AGBL4: variants seen among roughly 807,000 people sequenced by gnomAD.
AGBL4 encodes the protein cytosolic carboxypeptidase 6.
Under a neutral mutation model 66.4 loss-of-function variants are expected in AGBL4, and 58 were observed. That is an observed-to-expected ratio of 0.87 (90% CI 0.71 to 1.09). The LOEUF is 1.09. Ranked by LOEUF, AGBL4 falls within the 50% of genes least tolerant of loss-of-function variation. The probability of loss-of-function intolerance (pLI) is 0.00; values close to 1 mark genes in which losing one functional copy is unlikely to be tolerated. For synonymous variants in AGBL4, 234 were observed against 222.9 expected (o/e 1.05, Z -0.44); for missense variants, 579 against 631.0 (o/e 0.92, Z 0.88).
chr1:49,559,079 G>T (rs1248970113), intron 3 of AGBL4, among the ~76,000 whole-genome samples: 1 of 152,258 alleles, frequency 6.6e-6, no homozygotes, highest in South Asian at 2.1e-4. Context: ...GAGCCCCAGA[G>T]CCTTTATGAA....
intron 4 of AGBL4, among the ~76,000 whole-genome samples, chr1:49,136,618 T>G (rs1646015862): frequency 6.6e-6 from 1 of 152,114 alleles, no homozygotes; most frequent in Non-Finnish European, 1.5e-5. Context: ...GGCACCAAAT[T>G]ACAAATTCTT....
At chr1:49,128,231 T>C (rs1017836177) in intron 4 of AGBL4, among the ~76,000 whole-genome samples, 4 of 152,006 alleles carry the variant, frequency 2.6e-5, no homozygotes, top group African/African-American at 9.7e-5. Context: ...AAGTAGTCAG[T>C]ATATTAAATA....
rs1344357223 is a variant in AGBL4, at chr1:48,861,243, T to A, written c.634+5948A>T. Among the ~76,000 whole-genome samples, 7 of 152,092 alleles carry A rather than the reference T, an allele frequency of 4.6e-5. No individual in the cohort carries two copies. In the South Asian group the frequency reaches 1.5e-3, roughly 32 times the overall value. ...CAAAAATAATAAAAGTTATGAAAAA[T>A]CAATTAAGAACCATGGAGGGCTGCT... On this transcript the variant is annotated intron_variant, in intron 6 of 13. Transcript: ENST00000371839.
At chr1:49,431,125 T>C (rs1645776799) in intron 3 of AGBL4, among the ~76,000 whole-genome samples, 1 of 152,212 alleles carries the variant, frequency 6.6e-6, no homozygotes, top group African/African-American at 2.4e-5. Context: ...TTAATATACA[T>C]TTCTGTTGAG....
chr1:49,322,346 G>A, intron 3 of AGBL4, among the ~76,000 whole-genome samples: 1 of 152,108 alleles, frequency 6.6e-6, no homozygotes, highest in East Asian at 1.9e-4. Context: ...TGGACAGGAA[G>A]GTAACATAAT....
intron 9 of AGBL4, among the ~76,000 whole-genome samples, chr1:48,595,142 G>C (rs1485148197): frequency 6.6e-6 from 1 of 152,166 alleles, no homozygotes; most frequent in Non-Finnish European, 1.5e-5. Context: ...CCCTCAGGCT[G>C]AGTTAACAGC....
At chr1:49,276,028 G>T (rs1644160482) in intron 3 of AGBL4, among the ~76,000 whole-genome samples, 1 of 151,836 alleles carries the variant, frequency 6.6e-6, no homozygotes, top group South Asian at 2.1e-4. Context: ...CTGGTCTGTA[G>T]ACTACTCCAG....
rs181561468 is a variant in AGBL4 at position 49,897,468 on chromosome 1, G to C, written c.35-45950C>G. Among the ~76,000 whole-genome samples the C allele has an allele frequency of 4.6e-5, 7 of 151,816 alleles. No individual in the cohort carries two copies. The East Asian group carries it at 1.4e-3, about 29-fold the overall frequency. ...AAAAAATTGAAGAGGACACAAAAAA[G>C]TGGAAAAATATTACAAGTTCATGCA... is the stretch of plus-strand genomic sequence containing the variant. On this transcript the variant is annotated intron_variant, in intron 1 of 13. Coordinates refer to ENST00000371839, the MANE Select transcript of AGBL4 (RefSeq NM_032785.4).
chr1:49,050,706 C>T (rs907800950), intron 4 of AGBL4, among the ~76,000 whole-genome samples: 24 of 152,196 alleles, frequency 1.6e-4, no homozygotes, highest in African/African-American at 5.5e-4. Context: ...AGAAGTGAGG[C>T]CTAGCTCAAA....
chr1:49,457,115 G>A (rs1455642391), intron 3 of AGBL4, among the ~76,000 whole-genome samples: 1 of 151,706 alleles, frequency 6.6e-6, no homozygotes, highest in Non-Finnish European at 1.5e-5. Flanking sequence ...GGATCATATG[G>A]TAAACCTACT....
intron 1 of AGBL4, among the ~76,000 whole-genome samples, chr1:49,875,329 C>T (rs368638537): frequency 8.3e-6 from 1 of 120,204 alleles, no homozygotes; most frequent in Non-Finnish European, 1.7e-5. Context: ...ACCACAGTCC[C>T]CAGAGTGTGA....
At chr1:49,782,061 G>GAAA (rs1346802412) in intron 2 of AGBL4, among the ~76,000 whole-genome samples, 3 of 151,400 alleles carry the variant, frequency 2.0e-5, no homozygotes, top group Non-Finnish European at 4.4e-5. Flanking sequence ...TATGAAACTA[G>GAAA]AAAAAGTAGA....
At position 49,119,079 on chromosome 1, in the gene AGBL4, C is replaced by A. The variant is rs1369877363; in HGVS notation, c.378-73279G>T. Among the ~76,000 whole-genome samples the A allele has an allele frequency of 1.3e-5, 2 of 151,730 alleles. 1 individual carries two copies. The highest frequency in any genetic ancestry group is 4.1e-4 in the South Asian group (2 of 4,826). The stretch of plus-strand genomic sequence containing the variant: ...CATTTTTTATTGCATCTATTTGATT[C>A]TTCTCTCTTTTCTTCTTTATTAGTC... On this transcript the variant is annotated intron_variant, in intron 4 of 13. Transcript: ENST00000371839.
chr1:48,850,511 T>C (rs1351974090), intron 6 of AGBL4, among the ~76,000 whole-genome samples: 2 of 151,966 alleles, frequency 1.3e-5, no homozygotes, highest in Non-Finnish European at 2.9e-5. Flanking sequence ...CATTTGTCCA[T>C]TCATTTTTTT....
intron 2 of AGBL4, among the ~76,000 whole-genome samples, chr1:49,849,478 TACACACACAC>T (rs772101356): frequency 1.5e-5 from 2 of 135,828 alleles, no homozygotes; most frequent in Non-Finnish European, 3.1e-5. Flanking sequence ...AAAGTATACA[TACACACACAC>T]ACACACACAC....
intron 2 of AGBL4, among the ~76,000 whole-genome samples, chr1:49,764,602 C>T (rs957279499): frequency 1.3e-5 from 2 of 152,020 alleles, no homozygotes; most frequent in Admixed American, 6.5e-5. Context: ...GACTGTCTAC[C>T]CTATTCCAAC....
intron 5 of AGBL4, among the ~76,000 whole-genome samples, chr1:48,875,728 A>T (rs1649156315): frequency 6.6e-6 from 1 of 152,210 alleles, no homozygotes; most frequent in South Asian, 2.1e-4. Flanking sequence ...AAGTAGAATT[A>T]ATAGCTGCTG....
chr1:48,568,499 G>A (rs1027645933), intron 11 of AGBL4, among the ~76,000 whole-genome samples: 1 of 152,202 alleles, frequency 6.6e-6, no homozygotes, highest in African/African-American at 2.4e-5. Flanking sequence ...GATCACTGGA[G>A]TGGCAAGTGC....
At chr1:48,754,532 G>C (rs1220451663) in intron 6 of AGBL4, among the ~76,000 whole-genome samples, 1 of 152,008 alleles carries the variant, frequency 6.6e-6, no homozygotes, top group African/African-American at 2.4e-5. Context: ...CATGCTTTTT[G>C]CATCCTCGGC....
Sources: gnomAD v4.1 joint callset for allele counts (sites outside exome capture counted in the v4.1 genomes callset) on GRCh38, gnomAD v4.1.1 for gene constraint, MANE v1.5 for transcripts, NCBI Gene and HGNC (gene_info 2026-07-23, HGNC 2026-07-21) for gene names.